Variants in DYNC1I1 observed in about 807,000 individuals in gnomAD.
The protein encoded by DYNC1I1 is dynein cytoplasmic 1 intermediate chain 1.
A neutral mutation model predicts 86.6 loss-of-function variants in DYNC1I1; 43 were observed. The observed-to-expected ratio is 0.50, with a 90% confidence interval of 0.39 to 0.64. The LOEUF is 0.64. Among genes scored for constraint, DYNC1I1 ranks in the 30% least tolerant of loss-of-function variants. DYNC1I1 has a pLI of 0.00. For synonymous variants in DYNC1I1, 262 were observed against 283.7 expected (o/e 0.92, Z 0.77); for missense variants, 604 against 788.8 (o/e 0.77, Z 2.81).
intron 5 of DYNC1I1, among the ~76,000 whole-genome samples, chr7:95,842,425 T>C (rs1261407245): frequency 6.6e-6 from 1 of 152,216 alleles, no homozygotes; most frequent in South Asian, 2.1e-4. Flanking sequence ...GCTTTAAGAC[T>C]ATTACAAGGT....
chr7:96,038,051 T>A (rs947035084), intron 13 of DYNC1I1, among the ~76,000 whole-genome samples: 2 of 152,188 alleles, frequency 1.3e-5, no homozygotes, highest in African/African-American at 4.8e-5. Context: ...CAGGGGCCAC[T>A]TCAAAGATCA....
At chr7:95,873,170 T>C (rs1284090215) in intron 6 of DYNC1I1, among the ~76,000 whole-genome samples, 3 of 152,200 alleles carry the variant, frequency 2.0e-5, no homozygotes, top group African/African-American at 7.2e-5. Flanking sequence ...GTTTAATCTC[T>C]ACTCAGGCCC....
At position 95,890,601 on chromosome 7, in the gene DYNC1I1, A is replaced by G. The variant is rs1371917200; in HGVS notation, c.490+20603A>G. Among the ~76,000 whole-genome samples the G allele has an allele frequency of 2.0e-5, 3 of 152,234 alleles. No individual in the cohort carries two copies. The East Asian group carries it at 5.8e-4, about 29-fold the overall frequency. On this transcript the variant is annotated intron_variant, in intron 6 of 16. Coordinates refer to ENST00000447467, the MANE Select transcript of DYNC1I1 (RefSeq NM_001135556.2). ...TGTACCTAAAATAAAAGTTTAAAAA[A>G]TAAATAAAATTAAATTAATGAGATG...
chr7:95,826,256 A>G (rs998795882), intron 4 of DYNC1I1, among the ~76,000 whole-genome samples: 1 of 152,208 alleles, frequency 6.6e-6, no homozygotes, highest in Non-Finnish European at 1.5e-5. Flanking sequence ...GGTTCTATGT[A>G]AAAAGACAAG....
intron 8 of DYNC1I1, among the ~76,000 whole-genome samples, chr7:95,986,749 G>T (rs1301251917): frequency 6.6e-6 from 1 of 151,950 alleles, no homozygotes; most frequent in Non-Finnish European, 1.5e-5. Context: ...AGCCTTTCAG[G>T]GAGAGGCTCT....
chr7:96,089,435 G>C (rs542199804), intron 16 of DYNC1I1, among the ~76,000 whole-genome samples: 3 of 152,222 alleles, frequency 2.0e-5, no homozygotes, highest in Middle Eastern at 3.4e-3. Context: ...TAATTGTTTA[G>C]AGCATTCAGG....
intron 10 of DYNC1I1, among the ~76,000 whole-genome samples, chr7:96,020,663 C>T (rs1794524111): frequency 6.6e-6 from 1 of 152,048 alleles, no homozygotes; most frequent in Non-Finnish European, 1.5e-5. Context: ...AAGTATGTAC[C>T]CAAAATAATT....
intron 5 of DYNC1I1, among the ~76,000 whole-genome samples, chr7:95,830,036 A>C (rs796120257): frequency 3.9e-5 from 6 of 152,228 alleles, no homozygotes; most frequent in African/African-American, 1.4e-4. Flanking sequence ...AGGCATTTTC[A>C]GAGAATTTTT....
chr7:95,851,438 T>C (rs1398285016), intron 5 of DYNC1I1, among the ~76,000 whole-genome samples: 3 of 152,186 alleles, frequency 2.0e-5, no homozygotes, highest in Non-Finnish European at 4.4e-5. Flanking sequence ...ATTTTGTGTT[T>C]AATATTTTTA....
chr7:96,076,258 G>T (rs548207934), intron 15 of DYNC1I1, 61 bp downstream of exon 15: 7 of 1,589,978 alleles, frequency 4.4e-6, no homozygotes, highest in Admixed American at 1.8e-5. Flanking sequence ...TCGGCCACTC[G>T]CAGTCTCTCC....
intron 6 of DYNC1I1, among the ~76,000 whole-genome samples, chr7:95,915,837 T>C (rs142912837): frequency 4.8e-4 from 73 of 152,338 alleles, no homozygotes; most frequent in East Asian, 1.9e-3. Flanking sequence ...ATATTTCTTC[T>C]GTTTAAGTTG....
intron 6 of DYNC1I1, among the ~76,000 whole-genome samples, chr7:95,930,521 G>A (rs1791864085): frequency 6.6e-6 from 1 of 152,276 alleles, no homozygotes; most frequent in Admixed American, 6.5e-5. Context: ...AAGTGTCTAA[G>A]GTGGAGGGAG....
At chr7:96,089,744 AC>A (rs984225916) in intron 16 of DYNC1I1, among the ~76,000 whole-genome samples, 1 of 152,026 alleles carries the variant, frequency 6.6e-6, no homozygotes, top group African/African-American at 2.4e-5. Flanking sequence ...TTATAAAAAT[AC>A]CTCTTTTGTG....
At chr7:96,002,989 G>A (rs530317129) in intron 10 of DYNC1I1, among the ~76,000 whole-genome samples, 17 of 151,904 alleles carry the variant, frequency 1.1e-4, no homozygotes, top group African/African-American at 1.7e-4. Context: ...GATTACAGGC[G>A]CACACCACCA....
At chr7:95,845,876 A>C (rs1789411551) in intron 5 of DYNC1I1, among the ~76,000 whole-genome samples, 1 of 152,148 alleles carries the variant, frequency 6.6e-6, no homozygotes, top group South Asian at 2.1e-4. Flanking sequence ...AGCTTCTATC[A>C]CCAAGTGTTT....
intron 11 of DYNC1I1, among the ~76,000 whole-genome samples, chr7:96,031,910 G>T (rs1282266036): frequency 1.3e-5 from 2 of 152,114 alleles, no homozygotes; most frequent in African/African-American, 4.8e-5. Context: ...TTAGAATTCT[G>T]CAGAGTGGGA....
chr7:96,107,549 T>A (rs1050731748), intron 16 of DYNC1I1, among the ~76,000 whole-genome samples: 3 of 150,900 alleles, frequency 2.0e-5, no homozygotes, highest in African/African-American at 7.3e-5. Flanking sequence ...TTTTTTTTTT[T>A]GAAATAGAGT....
intron 6 of DYNC1I1, among the ~76,000 whole-genome samples, chr7:95,914,844 CAGA>C (rs1420084089): frequency 6.6e-6 from 1 of 152,152 alleles, no homozygotes; most frequent in Admixed American, 6.5e-5. Context: ...CCTTTTCCTC[CAGA>C]AGTCTTGTTT....
chr7:96,055,106 G>A (rs4305827), intron 14 of DYNC1I1, among the ~76,000 whole-genome samples: 38,454 of 152,014 alleles, frequency 0.25, 5,249 homozygotes, highest in African/African-American at 0.35. Context: ...TAGGTCTTAC[G>A]TTTAAATCTT....
Sources: gnomAD v4.1 joint callset for allele counts (sites outside exome capture counted in the v4.1 genomes callset) on GRCh38, gnomAD v4.1.1 for gene constraint, MANE v1.5 for transcripts, NCBI Gene and HGNC (gene_info 2026-07-23, HGNC 2026-07-21) for gene names.